Variants in TRAK2 observed in about 807,000 individuals in gnomAD.
TRAK2 encodes the protein trafficking kinesin-binding protein 2.
In TRAK2, 81 loss-of-function variants were observed where a neutral mutation model predicts 104.6. The observed-to-expected ratio is 0.77, with a 90% CI of 0.65 to 0.93. The LOEUF (loss-of-function observed/expected upper bound fraction) is 0.93, where lower values mean the gene tolerates loss of function less well. Ranked by LOEUF, TRAK2 falls within the 40% of genes least tolerant of loss-of-function variation. The pLI, the probability that TRAK2 is intolerant of heterozygous loss-of-function variation, is 0.00. For synonymous variants in TRAK2, 406 were observed against 394.4 expected, an observed-to-expected ratio of 1.03 and a Z score of -0.35; for missense variants, 1,002 against 1,089.0, an observed-to-expected ratio of 0.92 and a Z score of 1.12.
chr2:201,386,397 C>G lies in TRAK2; in HGVS notation c.1784G>C (p.Gly595Ala). 3 of 1,614,126 alleles carry G rather than the reference C, an allele frequency of 1.9e-6. No homozygotes were observed. In the South Asian group the frequency reaches 3.3e-5, roughly 18 times the overall value. ...LDPRPGVITK[G>A]FTQLPGDAIY... Reference sequence around the variant, plus strand: ...AGCATCCCCGGGCAACTGGGTAAAGCCTTTAGTAATGACACCTGGTCGTGG... The same window carrying G: ...AGCATCCCCGGGCAACTGGGTAAAGGCTTTAGTAATGACACCTGGTCGTGG... Residue 595 changes from glycine to alanine, a missense_variant, in exon 14 of 16, where the codon GGC becomes GCC. Coordinates refer to ENST00000332624, the MANE Select transcript of TRAK2 (RefSeq NM_015049.3).
intron 14 of TRAK2, 143 bp from the exon 15 acceptor site, chr2:201,384,359 A>T: frequency 3.0e-6 from 2 of 663,296 alleles, no homozygotes; most frequent in South Asian, 3.9e-5. Flanking sequence ...TGAAATAAAT[A>T]TACATAAAGA....
At chr2:201,439,736 A>C (rs1247609014) in intron 1 of TRAK2, among the ~76,000 whole-genome samples, 1 of 151,890 alleles carries the variant, frequency 6.6e-6, no homozygotes, top group South Asian at 2.1e-4. Flanking sequence ...CATATACACC[A>C]TGGAATACTA....
At chr2:201,446,231 G>C (rs1214499528) in intron 1 of TRAK2, among the ~76,000 whole-genome samples, 1 of 151,044 alleles carries the variant, frequency 6.6e-6, no homozygotes, top group Non-Finnish European at 1.5e-5. Flanking sequence ...CCAGCCAAAA[G>C]AAAGAACTGC....
intron 2 of TRAK2, among the ~76,000 whole-genome samples, chr2:201,410,356 C>T (rs1354181282): frequency 3.3e-5 from 5 of 151,834 alleles, no homozygotes; most frequent in Admixed American, 3.3e-4. Flanking sequence ...GGAAAAAAAT[C>T]CTCAGTGCTT....
rs1951521505 is a variant in TRAK2, at chr2:201,398,458, T to C, written c.481-104A>G. On this transcript the variant is annotated intron_variant, in intron 5 of 15. Coordinates refer to ENST00000332624, the MANE Select transcript of TRAK2 (RefSeq NM_015049.3). ...AATTATTTTTCATCACAAAAGAAAA[T>C]CACAAAATCAGCTGCTAGGTTTTAC... is the stretch of plus-strand genomic sequence containing the variant. 1.0e-5 allele frequency: 11 copies of C among 1,104,594 alleles called. No homozygotes were observed. In the Admixed American group the frequency reaches 2.3e-4, roughly 23 times the overall value. 68.4% of individuals were successfully genotyped at this position (1,104,594 alleles called of 1,614,324 possible). A position where few individuals can be genotyped will look rare whatever the true frequency, so the allele number is the denominator to read the frequency against.
chr2:201,449,977 G>A (rs144674279), intron 1 of TRAK2, among the ~76,000 whole-genome samples: 2,750 of 152,144 alleles, frequency 0.018, 32 homozygotes, highest in Non-Finnish European at 0.026. Flanking sequence ...ACAGGAGTGA[G>A]CCACAGCGCC....
Position 201,386,287 on chromosome 2 carries a change from G to A in TRAK2, c.1894C>T (p.Leu632Phe). The A allele has an allele frequency of 6.2e-7, 1 of 1,614,086 alleles. No individual in the cohort carries two copies. Reference sequence around the variant, plus strand: ...CCTGTTACTGGCTTGGATGTTGAAAGTTTCTCTTCCACTTCAAGAGGTTGC... The same window carrying A: ...CCTGTTACTGGCTTGGATGTTGAAAATTTCTCTTCCACTTCAAGAGGTTGC... ...VQQPLEVEEK[L>F]STSKPVTGIF... Residue 632 changes from leucine to phenylalanine, a missense_variant, in exon 14 of 16, where the codon CTT becomes TTT. Transcript: ENST00000332624.
intron 3 of TRAK2, among the ~76,000 whole-genome samples, chr2:201,402,559 A>G (rs1383353992): frequency 6.6e-6 from 1 of 152,164 alleles, no homozygotes; most frequent in Non-Finnish European, 1.5e-5. Context: ...AGAAACTAAC[A>G]ATGATTTAAC....
chr2:201,413,704 C>T (rs1951668391), intron 2 of TRAK2, among the ~76,000 whole-genome samples: 1 of 151,898 alleles, frequency 6.6e-6, no homozygotes, highest in Non-Finnish European at 1.5e-5. Flanking sequence ...TTGCCGAGGA[C>T]ACTAGAACCA....
intron 2 of TRAK2, among the ~76,000 whole-genome samples, chr2:201,414,384 T>C (rs1951674315): frequency 6.6e-6 from 1 of 152,236 alleles, no homozygotes; most frequent in African/African-American, 2.4e-5. Context: ...AGATGTGGTA[T>C]TTCCTTTGTG....
Position 201,420,447 on chromosome 2 carries a change from T to C in TRAK2, c.61A>G (p.Ser21Gly), listed in dbSNP as rs1287098049. Residue 21 changes from serine (S) to glycine (G), a missense_variant, in exon 2 of 16, where the codon AGC (serine) becomes GGC (glycine). By Grantham distance (56) the Ser-to-Gly change is moderately conservative (BLOSUM62 0). Transcript: ENST00000332624. ...SPTGEENLMNSNHRDSESITD... is the reference protein window; with the variant it reads ...SPTGEENLMNGNHRDSESITD... ...ATGCTCTCCGAGTCTCTGTGATTGC[T>C]ATTCATGAGGTTTTCTTCACCTGTT... 2 of 1,613,968 alleles carry C rather than the reference T, an allele frequency of 1.2e-6. No individual in the cohort carries two copies. Among genetic ancestry groups the C allele is most frequent in the Non-Finnish European group, 1.7e-6 (2 of 1,179,958 alleles).
At chr2:201,397,171 T>G (rs1951509850) in intron 7 of TRAK2, among the ~76,000 whole-genome samples, 1 of 152,212 alleles carries the variant, frequency 6.6e-6, no homozygotes, top group African/African-American at 2.4e-5. Context: ...ACCAGTTTTC[T>G]GACTTTGGCA....
chr2:201,386,084 T>C (rs1237171839), intron 14 of TRAK2, 134 bp downstream of exon 14: 6 of 942,766 alleles, frequency 6.4e-6, no homozygotes, highest in African/African-American at 3.3e-5. Flanking sequence ...CCACTAATGC[T>C]ATAGATTTTC....
intron 15 of TRAK2, 99 bp from the exon 16 acceptor site, chr2:201,381,317 T>C: frequency 8.8e-7 from 1 of 1,130,062 alleles, no homozygotes. Context: ...CCTTGGTAAA[T>C]ATAAAGTAAC....
intron 1 of TRAK2, among the ~76,000 whole-genome samples, chr2:201,426,318 A>G (rs1951788533): frequency 6.6e-6 from 1 of 152,154 alleles, no homozygotes; most frequent in Non-Finnish European, 1.5e-5. Context: ...CGAATGCCTG[A>G]TGGTCTGTCA....
chr2:201,434,673 T>C (rs542516658), intron 1 of TRAK2, among the ~76,000 whole-genome samples: 1 of 152,350 alleles, frequency 6.6e-6, no homozygotes, highest in East Asian at 1.9e-4. Context: ...TTAAAGAAAT[T>C]GCATAAGCAA....
intron 1 of TRAK2, among the ~76,000 whole-genome samples, chr2:201,442,350 C>A (rs1031568702): frequency 2.7e-5 from 4 of 150,662 alleles, no homozygotes; most frequent in Admixed American, 2.6e-4. Context: ...GAGTTCGCAC[C>A]ACTGCACTCC....
chr2:201,420,322 G>C (rs1038394455), intron 2 of TRAK2, 95 bp downstream of exon 2: 4 of 1,002,302 alleles, frequency 4.0e-6, no homozygotes, highest in African/African-American at 3.2e-5. Context: ...AGGGAGGCTT[G>C]GGTTTCATCA....
At chr2:201,407,638 A>T in intron 2 of TRAK2, 41 bp from the exon 3 acceptor site, 1 of 1,519,606 alleles carries the variant, frequency 6.6e-7, no homozygotes, top group Non-Finnish European at 8.9e-7. Flanking sequence ...AATATATTTC[A>T]ACTTTTACTA....
Sources: allele counts gnomAD v4.1 joint callset (sites outside exome capture counted in the v4.1 genomes callset), GRCh38; gene constraint gnomAD v4.1.1; transcripts MANE v1.5; gene names NCBI Gene and HGNC (gene_info 2026-07-23, HGNC 2026-07-21).